TLN1: variants seen among roughly 807,000 people sequenced by gnomAD.
TLN1 encodes the protein talin 1.
A neutral mutation model predicts 292.3 loss-of-function variants in TLN1; 56 were observed. The observed-to-expected ratio is 0.19, with a 90% CI of 0.15 to 0.24. TLN1 has a LOEUF of 0.24. Among genes scored for constraint, TLN1 ranks in the 10% least tolerant of loss-of-function variants. The pLI is 1.00. For missense variants in TLN1, 2,433 were observed against 3,248.2 expected (o/e 0.75, Z 6.10); for synonymous variants, 1,119 against 1,253.7 (o/e 0.89, Z 2.27).
Position 35,703,867 on chromosome 9 carries a change from T to C in TLN1, c.6265A>G (p.Lys2089Glu). ...VLINAVKDVA[K>E]ALGDLISATK... The stretch of plus-strand genomic sequence containing the variant: ...GCACTGATGAGGTCTCCCAGGGCTT[T>C]GGCTACATCTTTCACTGCGTTGATT... The change falls in exon 47 of 57, where the codon AAA becomes GAA. Residue 2089 changes from lysine (K) to glutamate (E), a missense_variant. By Grantham distance (56) the Lys-to-Glu change is moderately conservative. This residue lies in a region of TLN1 where 1,384 missense variants were observed against 1,699.6 expected (regional missense o/e 0.81). Transcript: ENST00000314888. The C allele has an allele frequency of 6.2e-7, 1 of 1,614,230 alleles. No individual in the cohort carries two copies. Among genetic ancestry groups the C allele is most frequent in the Non-Finnish European group, 8.5e-7 (1 of 1,180,044 alleles).
chr9:35,730,318 G>A (rs1260130522), intron 1 of TLN1, among the ~76,000 whole-genome samples: 1 of 152,144 alleles, frequency 6.6e-6, no homozygotes, highest in Non-Finnish European at 1.5e-5. Flanking sequence ...TGTGGTCAGT[G>A]GCAGGGTCAG....
chr9:35,723,035 G>A, intron 7 of TLN1, 114 bp from the exon 8 acceptor site: 2 of 839,056 alleles, frequency 2.4e-6, no homozygotes, highest in Non-Finnish European at 3.9e-6. Context: ...TATCTTTGGG[G>A]AGAAAAAAGA....
At chr9:35,721,323 A>C (rs1380490811) in intron 10 of TLN1, among the ~76,000 whole-genome samples, 2 of 152,356 alleles carry the variant, frequency 1.3e-5, no homozygotes, top group East Asian at 3.9e-4. Context: ...TCATAACCCT[A>C]TAATATAAAG....
chr9:35,717,203 C>T lies in TLN1; in HGVS notation c.2401G>A (p.Ala801Thr), dbSNP rs1213295190. ...GTGACGGTTAGGATGGTGTCAGTAGCCTGGTCATAACGGCCAGCAGGCCCA... is the reference window on the plus strand; with the variant it reads ...GTGACGGTTAGGATGGTGTCAGTAGTCTGGTCATAACGGCCAGCAGGCCCA... ...GAGPAGRYDQ[A>T]TDTILTVTEN... Residue 801 changes from alanine (A) to threonine (T), a missense_variant, in exon 19 of 57, where the codon GCT (alanine) becomes ACT (threonine). This residue lies in a region of TLN1 where 617 missense variants were observed against 770.6 expected (regional missense o/e 0.80). Transcript: ENST00000314888. This position sits in a 1 kb window ranked among gnomAD's most constrained non-coding sequence, Gnocchi z 4.7. 6.2e-7 allele frequency: 1 copy of T among 1,613,654 alleles called. No homozygotes were observed. The highest frequency in any genetic ancestry group is 2.2e-5 in the East Asian group (1 of 44,848).
In TLN1 at chr9:35,718,841, C is replaced by G. The variant is rs1825831422; in HGVS notation, c.1966G>C (p.Gly656Arg). 2.5e-6 allele frequency: 4 copies of G among 1,613,642 alleles called. No homozygotes were observed. The highest frequency in any genetic ancestry group is 2.2e-5 in the South Asian group (2 of 90,958). The change falls in exon 17 of 57, where the codon GGG becomes CGG. Residue 656 changes from glycine (G) to arginine (R), a missense_variant. By Grantham distance (125) the Gly-to-Arg change is moderately radical. Around this residue, in one of 7 missense-constraint regions of TLN1, gnomAD observed 617 missense variants for 770.6 expected, o/e 0.80. Transcript: ENST00000314888. ...AAGTGGGGGTCAGTATCACTTTCCCCAATTTGTTGCAACAGCTCCCCACTG... is the reference window on the plus strand; with the variant it reads ...AAGTGGGGGTCAGTATCACTTTCCCGAATTTGTTGCAACAGCTCCCCACTG... ...QASGELLQQI[G>R]ESDTDPHFQD...
intron 20 of TLN1, among the ~76,000 whole-genome samples, chr9:35,716,014 T>G (rs2131897828): frequency 6.6e-6 from 1 of 152,212 alleles, no homozygotes. Flanking sequence ...ATACATGTAT[T>G]GAAATGTCAC....
chr9:35,700,530 AGTTT>A (rs3069713), intron 48 of TLN1, among the ~76,000 whole-genome samples, 154 bp from the exon 49 acceptor site: 84 of 152,052 alleles, frequency 5.5e-4, no homozygotes, highest in African/African-American at 1.7e-3. Context: ...GCAACTGGGG[AGTTT>A]GTTTGTTTGT....
Position 35,707,632 on chromosome 9 carries a change from C to A in TLN1, c.4632+99G>T. ...TGAATAGAAAGAGCTTGGGCTCAGG[C>A]AGAGGGGATTTGGTAGAAGGCTTCA... On this transcript the variant is annotated intron_variant, in intron 35 of 56. Coordinates refer to ENST00000314888, the MANE Select transcript of TLN1 (RefSeq NM_006289.4). The surrounding 1 kb of genome is among the most constrained non-coding windows in gnomAD (Gnocchi z 5.6). 1 of 1,586,436 alleles carries A rather than the reference C, an allele frequency of 6.3e-7. No homozygotes were observed. Among genetic ancestry groups the A allele is most frequent in the South Asian group, 1.1e-5 (1 of 87,092 alleles).
At chr9:35,709,938 C>A (rs1264500910) in intron 33 of TLN1, among the ~76,000 whole-genome samples, 1 of 126,586 alleles carries the variant, frequency 7.9e-6, no homozygotes, top group Non-Finnish European at 1.6e-5. Context: ...ACAGGCCAGG[C>A]GCGGTGGCTC....
At position 35,725,742 on chromosome 9, in the gene TLN1, C is replaced by A; in HGVS notation, c.-33-15G>T. 6.2e-7 allele frequency: 1 copy of A among 1,606,492 alleles called. No homozygotes were observed. Reference sequence around the variant, plus strand: ...CCTGGCTATACCTGACCCATGGCATCAGGGCATTAGAATACACTCTTCTGG... The same window carrying A: ...CCTGGCTATACCTGACCCATGGCATAAGGGCATTAGAATACACTCTTCTGG... On this transcript the variant is annotated splice_polypyrimidine_tract_variant and intron_variant, in intron 1 of 56. Transcript: ENST00000314888.
rs761083598 is a variant in TLN1 at position 35,710,702 on chromosome 9, C to A, written c.4204-19G>T. The A allele has an allele frequency of 6.2e-7, 1 of 1,613,942 alleles. No individual in the cohort carries two copies. Among genetic ancestry groups the A allele is most frequent in the Non-Finnish European group, 8.5e-7 (1 of 1,179,846 alleles). On this transcript the variant is annotated intron_variant, in intron 32 of 56. Coordinates refer to ENST00000314888, the MANE Select transcript of TLN1 (RefSeq NM_006289.4). ...CCAGCACCTGAGGAACAGAGGACAT[C>A]AGGGGAGTCAGAGCATGTCCTCAGA...
At chr9:35,725,146 G>C in intron 3 of TLN1, 78 bp downstream of exon 3, 1 of 1,553,136 alleles carries the variant, frequency 6.4e-7, no homozygotes, top group East Asian at 2.2e-5. Context: ...CAACAGATGT[G>C]GGTGCTGAAA....
chr9:35,698,618 G>A lies in TLN1; in HGVS notation c.7187C>T (p.Ala2396Val). ...GACCTAGTGGTATTGCACACTTACA[G>A]CAGAAATGAGGCCCTGGGACCACTG... Reference protein sequence around the residue: ...DGQWSQGLISAARMVAAATNN... With the variant: ...DGQWSQGLISVARMVAAATNN... The change falls in exon 54 of 57, where the codon GCT becomes GTT. Residue 2396 changes from alanine (A) to valine (V), a missense_variant and splice_region_variant. This residue lies in a region of TLN1 where 141 missense variants were observed against 248.5 expected (regional missense o/e 0.57). Coordinates refer to ENST00000314888, the MANE Select transcript of TLN1 (RefSeq NM_006289.4). The surrounding 1 kb of genome is among the most constrained non-coding windows in gnomAD (Gnocchi z 5.3). 6.2e-7 allele frequency: 1 copy of A among 1,614,160 alleles called. No individual in the cohort carries two copies. The highest frequency in any genetic ancestry group is 1.1e-5 in the South Asian group (1 of 91,082).
chr9:35,703,331 G>C (rs1190272312), intron 48 of TLN1, among the ~76,000 whole-genome samples: 1 of 152,140 alleles, frequency 6.6e-6, no homozygotes, highest in Non-Finnish European at 1.5e-5. Context: ...GATGCCATGT[G>C]AAATGGAAAG....
intron 19 of TLN1, 109 bp from the exon 20 acceptor site, chr9:35,716,665 G>A: frequency 1.6e-6 from 2 of 1,222,370 alleles, no homozygotes; most frequent in Non-Finnish European, 2.2e-6. Context: ...GGGGCTTTAG[G>A]GACAGAAAAA....
In TLN1 at chr9:35,714,553, A is replaced by C. The variant is rs771787174; in HGVS notation, c.2985+21T>G. ...AAAGGTGGGAAGGTCAGGTCAGAGA[A>C]GTGCAGAGGGGGTGCCTTGCCTGCA... is the stretch of plus-strand genomic sequence containing the variant. On this transcript the variant is annotated intron_variant, in intron 23 of 56. Coordinates refer to ENST00000314888, the MANE Select transcript of TLN1 (RefSeq NM_006289.4). This position sits in a 1 kb window ranked among gnomAD's most constrained non-coding sequence, Gnocchi z 4.6. 1.9e-6 allele frequency: 3 copies of C among 1,604,882 alleles called. No individual in the cohort carries two copies. The highest frequency in any genetic ancestry group is 1.1e-5 in the South Asian group (1 of 90,980).
rs34030433 is a variant in TLN1, at chr9:35,717,272, G to A, written c.2332C>T (p.Leu778=). 2.4e-3 allele frequency: 3,906 copies of A among 1,614,152 alleles called. 82 individuals carry two copies. In the African/African-American group the frequency reaches 0.046, roughly 19 times the overall value. The stretch of plus-strand genomic sequence containing the variant: ...TTCACATGCTGCAGCAGCTCATTTA[G>A]GGCCTGGGTGACAGCTGTGGCTGCT... ...GAAATAVTQA[L]NELLQHVKAH... The change falls in exon 19 of 57, where the codon CTA becomes TTA. Residue 778 remains leucine (L), a synonymous_variant. Transcript: ENST00000314888. The surrounding 1 kb of genome is among the most constrained non-coding windows in gnomAD (Gnocchi z 4.7).
In TLN1 at chr9:35,699,612, A is replaced by G; in HGVS notation, c.6769-151T>C. The G allele has an allele frequency of 7.0e-7, 1 of 1,425,896 alleles. No homozygotes were observed. Among genetic ancestry groups the G allele is most frequent in the Non-Finnish European group, 9.1e-7 (1 of 1,093,406 alleles). 88.3% of individuals were successfully genotyped at this position (1,425,896 alleles called of 1,614,324 possible). On this transcript the variant is annotated intron_variant, in intron 50 of 56. Coordinates refer to ENST00000314888, the MANE Select transcript of TLN1 (RefSeq NM_006289.4). This position sits in a 1 kb window ranked among gnomAD's most constrained non-coding sequence, Gnocchi z 4.0. Reference sequence around the variant, plus strand: ...CTCCACGCTGCCTATCCAAGTACACATCATGCATCACACCTCACACGTGAT... The same window carrying G: ...CTCCACGCTGCCTATCCAAGTACACGTCATGCATCACACCTCACACGTGAT...
intron 33 of TLN1, among the ~76,000 whole-genome samples, chr9:35,709,694 C>T (rs946945931): frequency 6.7e-6 from 1 of 149,334 alleles, no homozygotes; most frequent in Non-Finnish European, 1.5e-5. Flanking sequence ...CGAGACCATC[C>T]TGGCTAACAC....
Sources: allele counts gnomAD v4.1 joint callset (sites outside exome capture counted in the v4.1 genomes callset), GRCh38; gene constraint gnomAD v4.1.1; regional missense constraint gnomAD v4.1.1; non-coding constraint Gnocchi (gnomAD v3.1); transcripts MANE v1.5; gene names NCBI Gene and HGNC (gene_info 2026-07-23, HGNC 2026-07-21).